Variants in MAST2 observed in about 807,000 individuals in gnomAD.
The protein encoded by MAST2 is microtubule associated serine/threonine kinase 2, also known as microtubule-associated serine/threonine-protein kinase 2.
Under a neutral mutation model 147.4 loss-of-function variants are expected in MAST2, and 70 were observed. The ratio of observed to expected loss-of-function variants is 0.47; its 90% CI spans 0.39 to 0.58. The LOEUF (loss-of-function observed/expected upper bound fraction) is 0.58. Ranked by LOEUF, MAST2 falls within the 20% of genes least tolerant of loss-of-function variation. MAST2 has a pLI of 0.00. For missense variants in MAST2, 2,080 were observed against 2,302.3 expected, an observed-to-expected ratio of 0.90 and a Z score of 1.98; for synonymous variants, 869 against 896.8, an observed-to-expected ratio of 0.97 and a Z score of 0.55.
chr1:45,909,762 C>T (rs1651371730), intron 4 of MAST2, among the ~76,000 whole-genome samples: 2 of 152,172 alleles, frequency 1.3e-5, no homozygotes, highest in African/African-American at 2.4e-5. Flanking sequence ...GTGATCCACC[C>T]ACTTTTGCCT....
At chr1:45,955,326 C>T (rs1027588822) in intron 4 of MAST2, among the ~76,000 whole-genome samples, 7 of 152,132 alleles carry the variant, frequency 4.6e-5, no homozygotes, top group Non-Finnish European at 7.4e-5. Context: ...TACTTTAAAT[C>T]ATCTCTAGAT....
At chr1:45,889,682 T>A (rs564139191) in intron 4 of MAST2, among the ~76,000 whole-genome samples, 1 of 152,076 alleles carries the variant, frequency 6.6e-6, no homozygotes, top group Middle Eastern at 3.4e-3. Context: ...CTTGGCTCAC[T>A]GCAACCTCCA....
chr1:45,997,947 C>T, intron 6 of MAST2, 148 bp downstream of exon 6: 1 of 717,796 alleles, frequency 1.4e-6, no homozygotes, highest in Non-Finnish European at 2.4e-6. Context: ...TCTTTGCTTT[C>T]CTCTCCTAGG....
intron 3 of MAST2, among the ~76,000 whole-genome samples, chr1:45,831,779 AG>A (rs148766447): frequency 0.72 from 96,093 of 133,774 alleles, 33,054 homozygotes; most frequent in East Asian, 0.93. Context: ...GAAGTTTAAT[AG>A]TTTTTTTTTT....
At chr1:45,864,444 C>T (rs991261661) in intron 3 of MAST2, among the ~76,000 whole-genome samples, 1 of 151,970 alleles carries the variant, frequency 6.6e-6, no homozygotes, top group Non-Finnish European at 1.5e-5. Context: ...GTGAGTCTAG[C>T]GATAAAGAAA....
chr1:45,994,640 G>C (rs1397426987), intron 5 of MAST2, among the ~76,000 whole-genome samples: 1 of 151,976 alleles, frequency 6.6e-6, no homozygotes, highest in African/African-American at 2.4e-5. Flanking sequence ...GGTGTGGCCA[G>C]TCCCCATCCT....
At chr1:45,949,094 G>A (rs374830503) in intron 4 of MAST2, among the ~76,000 whole-genome samples, 4 of 151,964 alleles carry the variant, frequency 2.6e-5, no homozygotes, top group East Asian at 1.9e-4. Context: ...CTCAAGATGC[G>A]TTAAAGACTT....
chr1:46,025,532 G>A, intron 15 of MAST2, 145 bp from the exon 16 acceptor site: 1 of 934,868 alleles, frequency 1.1e-6, no homozygotes, highest in Non-Finnish European at 1.6e-6. Flanking sequence ...CATGCCAGCA[G>A]CAAAGGGGCT....
At chr1:45,847,116 G>T in intron 3 of MAST2, 1 of 492,088 alleles carries the variant, frequency 2.0e-6, no homozygotes, top group Non-Finnish European at 4.1e-6. Flanking sequence ...TGCATCATTA[G>T]CACAGATTTT....
At chr1:45,869,683 T>A (rs1337004144) in intron 3 of MAST2, among the ~76,000 whole-genome samples, 1 of 152,208 alleles carries the variant, frequency 6.6e-6, no homozygotes, top group African/African-American at 2.4e-5. Flanking sequence ...TGGCCAGGCT[T>A]ATTTTTGTTT....
At chr1:45,983,644 A>G (rs1644501300) in intron 5 of MAST2, among the ~76,000 whole-genome samples, 1 of 151,960 alleles carries the variant, frequency 6.6e-6, no homozygotes, top group Non-Finnish European at 1.5e-5. Flanking sequence ...GGTGTGCACC[A>G]CCACCCTCAG....
chr1:45,850,334 C>T (rs1016273235), intron 3 of MAST2, among the ~76,000 whole-genome samples: 1 of 152,090 alleles, frequency 6.6e-6, no homozygotes, highest in Non-Finnish European at 1.5e-5. Flanking sequence ...TTTATAGAGT[C>T]TAGATATTAG....
In MAST2 at chr1:45,909,876, C is replaced by T. The variant is rs186098654; in HGVS notation, c.500+27481C>T. 2.8e-3 allele frequency among the ~76,000 whole-genome samples: 431 copies of T among 151,660 alleles called. 5 individuals are homozygous for T. The highest frequency in any genetic ancestry group is 1.6e-3 in the Non-Finnish European group (109 of 67,932). On this transcript the variant is annotated intron_variant, in intron 4 of 28. Transcript: ENST00000361297. ...CGACCAGGCTGGAGTGCAGTGGTGC[C>T]GTCTCGGCTCCCTGCAACCTCCGCC...
At chr1:46,025,613 GGGA>G in intron 15 of MAST2, 61 bp from the exon 16 acceptor site, 1 of 1,599,460 alleles carries the variant, frequency 6.3e-7, no homozygotes, top group Non-Finnish European at 8.6e-7. Context: ...ACTGCCAGAT[GGGA>G]GCTGGCTAGC....
At chr1:45,884,531 G>A (rs1043789061) in intron 4 of MAST2, among the ~76,000 whole-genome samples, 16 of 152,104 alleles carry the variant, frequency 1.1e-4, no homozygotes, top group Admixed American at 3.3e-4. Flanking sequence ...CAGCCTGGGC[G>A]ACAGAGTGAT....
At chr1:45,913,269 T>C (rs540567332) in intron 4 of MAST2, among the ~76,000 whole-genome samples, 3 of 152,204 alleles carry the variant, frequency 2.0e-5, no homozygotes, top group Non-Finnish European at 2.9e-5. Context: ...GAATGAATAA[T>C]GCTGCAGAAA....
chr1:45,855,855 G>C (rs1645771803), intron 3 of MAST2, among the ~76,000 whole-genome samples: 1 of 151,730 alleles, frequency 6.6e-6, no homozygotes, highest in African/African-American at 2.4e-5. Flanking sequence ...TATTGCTCTG[G>C]CTAGGATTTA....
At chr1:45,924,538 C>T (rs1323130121) in intron 4 of MAST2, among the ~76,000 whole-genome samples, 1 of 152,190 alleles carries the variant, frequency 6.6e-6, no homozygotes, top group Non-Finnish European at 1.5e-5. Flanking sequence ...ACCTTGGCAT[C>T]TGCACCTGAG....
In MAST2 at chr1:45,943,318, G is replaced by A. The variant is rs529869583; in HGVS notation, c.501-16068G>A. 4.6e-5 allele frequency among the ~76,000 whole-genome samples: 7 copies of A among 152,202 alleles called. No homozygotes were observed. The South Asian group carries it at 1.5e-3, about 32-fold the overall frequency. On this transcript the variant is annotated intron_variant, in intron 4 of 28. Coordinates refer to ENST00000361297, the MANE Select transcript of MAST2 (RefSeq NM_015112.3). ...TATTTATTTGGCCATAGCAGTTGGA[G>A]GATTTTGAACAGGAGATTTATGTGA... is the stretch of plus-strand genomic sequence containing the variant.
Sources: gnomAD v4.1 joint callset for allele counts (sites outside exome capture counted in the v4.1 genomes callset) on GRCh38, gnomAD v4.1.1 for gene constraint, MANE v1.5 for transcripts, NCBI Gene and HGNC (gene_info 2026-07-23, HGNC 2026-07-21) for gene names.